The following ZCCHC7 variants were observed in gnomAD, a reference collection of about 807,000 sequenced individuals.
The protein encoded by ZCCHC7 is zinc finger CCHC-type containing 7, also known as zinc finger CCHC domain-containing protein 7.
In ZCCHC7, 35 loss-of-function variants were observed where a neutral mutation model predicts 52.0. The observed-to-expected ratio is 0.67, with a 90% CI of 0.51 to 0.89. The LOEUF is 0.89. ZCCHC7 is among the 40% of genes least tolerant of loss of function. The pLI is 0.00. For missense variants in ZCCHC7, 574 were observed against 649.1 expected, an observed-to-expected ratio of 0.88 and a Z score of 1.26; for synonymous variants, 217 against 221.5, an observed-to-expected ratio of 0.98 and a Z score of 0.18.
At chr9:37,307,033 A>T (rs1294988489) in intron 5 of ZCCHC7, among the ~76,000 whole-genome samples, 4 of 148,662 alleles carry the variant, frequency 2.7e-5, no homozygotes, top group Non-Finnish European at 5.9e-5. Context: ...TGATCCACCC[A>T]TTTCAGCCTC....
chr9:37,233,582 C>T (rs1403915043), intron 2 of ZCCHC7, among the ~76,000 whole-genome samples: 1 of 152,146 alleles, frequency 6.6e-6, no homozygotes, highest in African/African-American at 2.4e-5. Flanking sequence ...TAGTCTCTAT[C>T]CATAAATCTT....
At chr9:37,232,557 C>T (rs1825457927) in intron 2 of ZCCHC7, among the ~76,000 whole-genome samples, 1 of 152,124 alleles carries the variant, frequency 6.6e-6, no homozygotes, top group South Asian at 2.1e-4. Flanking sequence ...CAACCAATCT[C>T]CTGTTTTTGT....
chr9:37,217,514 C>G (rs1002165444), intron 2 of ZCCHC7, among the ~76,000 whole-genome samples: 1 of 152,040 alleles, frequency 6.6e-6, no homozygotes, highest in Non-Finnish European at 1.5e-5. Context: ...GCTCCCCTTT[C>G]GCCTCAAATT....
chr9:37,173,999 T>C (rs555162645), intron 2 of ZCCHC7, among the ~76,000 whole-genome samples: 1 of 152,330 alleles, frequency 6.6e-6, no homozygotes, highest in Admixed American at 6.5e-5. Context: ...AAAATTACTT[T>C]GTAGAATTAT....
At chr9:37,159,697 T>C (rs1337657603) in intron 2 of ZCCHC7, among the ~76,000 whole-genome samples, 3 of 152,220 alleles carry the variant, frequency 2.0e-5, no homozygotes, top group Non-Finnish European at 4.4e-5. Flanking sequence ...CTCTTCCATT[T>C]TGAAGCTACA....
intron 1 of ZCCHC7, among the ~76,000 whole-genome samples, chr9:37,121,114 G>A (rs1037278792): frequency 1.3e-5 from 2 of 152,122 alleles, no homozygotes; most frequent in African/African-American, 4.8e-5. Flanking sequence ...CATGTAAAAC[G>A]AGTAGACTTG....
intron 2 of ZCCHC7, among the ~76,000 whole-genome samples, chr9:37,215,305 T>C (rs1489291543): frequency 6.6e-6 from 1 of 152,182 alleles, no homozygotes; most frequent in Non-Finnish European, 1.5e-5. Context: ...TGACACATTT[T>C]TAATTTTCAG....
intron 2 of ZCCHC7, among the ~76,000 whole-genome samples, chr9:37,237,351 A>G (rs1164909373): frequency 1.3e-5 from 2 of 152,158 alleles, no homozygotes; most frequent in Non-Finnish European, 2.9e-5. Flanking sequence ...ATTACTCTCT[A>G]TGCTATCTTT....
intron 2 of ZCCHC7, among the ~76,000 whole-genome samples, chr9:37,298,673 T>A (rs1350206432): frequency 6.6e-6 from 1 of 152,192 alleles, no homozygotes; most frequent in Admixed American, 6.5e-5. Context: ...ATGATGGAAA[T>A]GTTCTACATT....
chr9:37,286,149 C>T (rs1223224068), intron 2 of ZCCHC7, among the ~76,000 whole-genome samples: 1 of 152,058 alleles, frequency 6.6e-6, no homozygotes, highest in Non-Finnish European at 1.5e-5. Context: ...AAAGTCAGAA[C>T]ACTATTAATA....
At chr9:37,125,260 C>G (rs1842494101) in intron 1 of ZCCHC7, among the ~76,000 whole-genome samples, 1 of 152,188 alleles carries the variant, frequency 6.6e-6, no homozygotes, top group Non-Finnish European at 1.5e-5. Flanking sequence ...AGCGGTTCTC[C>G]CACCTCAACC....
chr9:37,219,053 A>T (rs10973257), intron 2 of ZCCHC7, among the ~76,000 whole-genome samples: 20,595 of 151,398 alleles, frequency 0.14, 1,711 homozygotes, highest in Non-Finnish European at 0.17. Context: ...ACAGAGCAAG[A>T]TTCCATCCCC....
intron 2 of ZCCHC7, among the ~76,000 whole-genome samples, chr9:37,134,037 T>G (rs1374079478): frequency 3.9e-5 from 6 of 152,252 alleles, no homozygotes; most frequent in South Asian, 4.1e-4. Flanking sequence ...ACGTACTATA[T>G]ATATATATGT....
At chr9:37,328,334 T>C (rs1309675718) in intron 6 of ZCCHC7, among the ~76,000 whole-genome samples, 1 of 152,044 alleles carries the variant, frequency 6.6e-6, no homozygotes, top group Non-Finnish European at 1.5e-5. Context: ...ATTCAAAATG[T>C]ATAAATATCT....
intron 2 of ZCCHC7, among the ~76,000 whole-genome samples, chr9:37,221,070 G>A (rs1316375165): frequency 6.6e-6 from 1 of 152,230 alleles, no homozygotes; most frequent in Non-Finnish European, 1.5e-5. Flanking sequence ...GTTGAAGAAT[G>A]TGGAGCTTAC....
At chr9:37,306,299 C>T (rs901338927) in intron 5 of ZCCHC7, among the ~76,000 whole-genome samples, 1 of 151,774 alleles carries the variant, frequency 6.6e-6, no homozygotes, top group African/African-American at 2.4e-5. Context: ...GAACTCCTGA[C>T]CTTAGGTGAT....
At chr9:37,310,734 C>G (rs930051909) in intron 5 of ZCCHC7, among the ~76,000 whole-genome samples, 2 of 151,948 alleles carry the variant, frequency 1.3e-5, no homozygotes, top group South Asian at 4.1e-4. Flanking sequence ...TAATAAGCAA[C>G]TTTAATATAA....
chr9:37,225,604 G>A (rs1318498041), intron 2 of ZCCHC7, among the ~76,000 whole-genome samples: 1 of 152,136 alleles, frequency 6.6e-6, no homozygotes, highest in Non-Finnish European at 1.5e-5. Context: ...ATCAAGTGAA[G>A]TTCATTCTAG....
intron 2 of ZCCHC7, among the ~76,000 whole-genome samples, chr9:37,205,883 A>G (rs569636608): frequency 6.7e-6 from 1 of 150,030 alleles, no homozygotes; most frequent in Non-Finnish European, 1.5e-5. Context: ...GATTTGTTGG[A>G]GTTTTTTTTT....
Sources: allele counts gnomAD v4.1 joint callset (sites outside exome capture counted in the v4.1 genomes callset), GRCh38; gene constraint gnomAD v4.1.1; transcripts MANE v1.5; gene names NCBI Gene and HGNC (gene_info 2026-07-23, HGNC 2026-07-21).